The following IL27 variants were observed in gnomAD, a reference collection of about 807,000 sequenced individuals.
The protein encoded by IL27 is interleukin-27 subunit alpha.
IL27 carries 11 observed loss-of-function variants against 27.0 expected under a neutral mutation model. That is an observed-to-expected ratio of 0.41 (90% confidence interval 0.26 to 0.67). IL27 has a LOEUF of 0.67. Among genes scored for constraint, IL27 ranks in the 30% least tolerant of loss-of-function variants. The pLI, the probability that IL27 is intolerant of heterozygous loss-of-function variation, is 0.34. For synonymous variants in IL27, 134 were observed against 140.6 expected (o/e 0.95, Z 0.33); for missense variants, 299 against 310.4 (o/e 0.96, Z 0.28).
At chr16:28,500,637 GT>G (rs2046424494) in intron 4 of IL27, among the ~76,000 whole-genome samples, 1 of 152,122 alleles carries the variant, frequency 6.6e-6, no homozygotes, top group Non-Finnish European at 1.5e-5. Context: ...CCTTTGAAAG[GT>G]TCTGGAGGAT....
At chr16:28,506,151 C>G (rs757961482) in intron 1 of IL27, among the ~76,000 whole-genome samples, 4 of 152,190 alleles carry the variant, frequency 2.6e-5, no homozygotes, top group Middle Eastern at 3.4e-3. Flanking sequence ...AGACCCCAGA[C>G]CCCCTCCTTA....
intron 4 of IL27, 50 bp downstream of exon 4, chr16:28,501,926 A>C: frequency 6.4e-7 from 1 of 1,571,580 alleles, no homozygotes; most frequent in Non-Finnish European, 8.6e-7. Flanking sequence ...TGAGCCAGCG[A>C]GTCTTCTTTC....
rs538507027 is a variant in IL27 at position 28,501,385 on chromosome 16, G to A, written c.462+591C>T. On this transcript the variant is annotated intron_variant, in intron 4 of 4. Coordinates refer to ENST00000356897, the MANE Select transcript of IL27 (RefSeq NM_145659.3). ...ATACACTCACAGTCTCACACTCATG[G>A]ACCTACACACACACGGTCACGCTCA... is the stretch of plus-strand genomic sequence containing the variant. Among the ~76,000 whole-genome samples the A allele has an allele frequency of 2.2e-4, 33 of 147,672 alleles. 1 individual carries two copies. Among genetic ancestry groups the A allele is most frequent in the Middle Eastern group, 7.1e-3 (2 of 282 alleles).
rs530300038 is a variant in IL27 at position 28,503,669 on chromosome 16, G to A, written c.303+26C>T. On this transcript the variant is annotated intron_variant, in intron 3 of 4. Transcript: ENST00000356897. ...GGCCCCAGCCTATCACAAGCTTCCC[G>A]CCCCACTCCACCAGCCCTCACTCAC... 4.9e-5 allele frequency: 76 copies of A among 1,554,402 alleles called. 1 individual carries two copies. The South Asian group carries it at 7.4e-4, about 15-fold the overall frequency.
intron 4 of IL27, among the ~76,000 whole-genome samples, chr16:28,500,868 C>T (rs746949651): frequency 4.6e-5 from 7 of 152,052 alleles, no homozygotes; most frequent in Admixed American, 2.6e-4. Context: ...ATTCTCACAA[C>T]GCACCCACAC....
intron 1 of IL27, among the ~76,000 whole-genome samples, chr16:28,506,344 T>C (rs2046460810): frequency 1.3e-5 from 2 of 152,154 alleles, no homozygotes; most frequent in African/African-American, 4.8e-5. Flanking sequence ...AACATCAAAC[T>C]AAAGACCTTT....
At position 28,503,654 on chromosome 16, in the gene IL27, T is replaced by C. The variant is rs756865082; in HGVS notation, c.303+41A>G. On this transcript the variant is annotated intron_variant, in intron 3 of 4. Transcript: ENST00000356897. Reference sequence around the variant, plus strand: ...CTCATCTTGCACCCTGGCCCCAGCCTATCACAAGCTTCCCGCCCCACTCCA... The same window carrying C: ...CTCATCTTGCACCCTGGCCCCAGCCCATCACAAGCTTCCCGCCCCACTCCA... The C allele has an allele frequency of 9.5e-6, 14 of 1,468,998 alleles. No homozygotes were observed. In the East Asian group the frequency reaches 2.7e-4, roughly 29 times the overall value. 91.0% of individuals were successfully genotyped at this position (1,468,998 alleles called of 1,614,324 possible).
At chr16:28,502,705 A>G (rs1596576889) in intron 3 of IL27, among the ~76,000 whole-genome samples, 1 of 150,622 alleles carries the variant, frequency 6.6e-6, no homozygotes, top group South Asian at 2.1e-4. Context: ...ACCTCCACCC[A>G]CCCTCCATGC....
Position 28,503,613 on chromosome 16 carries a change from C to T in IL27, c.303+82G>A, listed in dbSNP as rs2046445485. ...CCAGGTTCTATCCCCAATGCATCTC[C>T]AGCTCAATCTCCAGCCTCATCTTGC... On this transcript the variant is annotated intron_variant, in intron 3 of 4. Coordinates refer to ENST00000356897, the MANE Select transcript of IL27 (RefSeq NM_145659.3). 7.0e-6 allele frequency: 7 copies of T among 994,706 alleles called. No individual in the cohort carries two copies. The Admixed American group carries it at 1.4e-4, about 20-fold the overall frequency. 61.6% of individuals were successfully genotyped at this position (994,706 alleles called of 1,614,324 possible). A position where few individuals can be genotyped will look rare whatever the true frequency, so the allele number is the denominator to read the frequency against.
intron 1 of IL27, among the ~76,000 whole-genome samples, 193 bp downstream of exon 1, chr16:28,506,588 G>C (rs1244152945): frequency 6.6e-6 from 1 of 151,940 alleles, no homozygotes; most frequent in African/African-American, 2.4e-5. Flanking sequence ...CCAGCCCTGG[G>C]TCAGACCACC....
chr16:28,502,983 C>A (rs1006093024), intron 3 of IL27, among the ~76,000 whole-genome samples: 1 of 152,004 alleles, frequency 6.6e-6, no homozygotes, highest in African/African-American at 2.4e-5. Context: ...GCACCATACC[C>A]GGCTAATTTG....
chr16:28,500,696 C>T (rs1029390469), intron 4 of IL27, among the ~76,000 whole-genome samples: 3 of 152,192 alleles, frequency 2.0e-5, no homozygotes, highest in Admixed American at 6.5e-5. Flanking sequence ...AGGAGGCAGA[C>T]GCTGTGCTGG....
intron 1 of IL27, among the ~76,000 whole-genome samples, chr16:28,506,115 T>C (rs1028060740): frequency 1.9e-4 from 29 of 152,258 alleles, no homozygotes; most frequent in African/African-American, 6.7e-4. Flanking sequence ...GTAAGTGAGC[T>C]GTGCCATCTC....
intron 1 of IL27, among the ~76,000 whole-genome samples, chr16:28,505,176 C>T (rs1375994387): frequency 1.3e-5 from 2 of 152,216 alleles, no homozygotes; most frequent in Non-Finnish European, 2.9e-5. Context: ...TTGGGCTCAG[C>T]CAAGCGGCTC....
intron 1 of IL27, among the ~76,000 whole-genome samples, 181 bp downstream of exon 1, chr16:28,506,600 C>A (rs928331674): frequency 5.3e-5 from 8 of 152,014 alleles, no homozygotes; most frequent in African/African-American, 1.9e-4. Flanking sequence ...CAGACCACCA[C>A]CCCACTGCCC....
chr16:28,504,133 T>C (rs2046448960), intron 1 of IL27, 83 bp from the exon 2 acceptor site: 10 of 1,393,922 alleles, frequency 7.2e-6, no homozygotes, highest in Middle Eastern at 2.0e-4. Context: ...CTGTGCTAGC[T>C]GTGAGCACGG....
At chr16:28,500,050 C>T in intron 4 of IL27, 130 bp from the exon 5 acceptor site, 2 of 1,237,908 alleles carry the variant, frequency 1.6e-6, no homozygotes, top group Admixed American at 2.8e-5. Context: ...CCGGACATTC[C>T]CTGCTTGATC....
intron 4 of IL27, among the ~76,000 whole-genome samples, chr16:28,501,504 TCA>T (rs2046429178): frequency 1.6e-5 from 2 of 123,262 alleles, no homozygotes; most frequent in Non-Finnish European, 3.4e-5. Context: ...ACACTCACAG[TCA>T]CACTCACACA....
intron 4 of IL27, 61 bp downstream of exon 4, chr16:28,501,911 CTGAA>C (rs778711712): frequency 5.2e-6 from 8 of 1,541,354 alleles, no homozygotes; most frequent in African/African-American, 1.4e-5. Flanking sequence ...CATGGGATCA[CTGAA>C]TGAGCCAGCG....
Sources: gnomAD v4.1 joint callset for allele counts (sites outside exome capture counted in the v4.1 genomes callset) on GRCh38, gnomAD v4.1.1 for gene constraint, MANE v1.5 for transcripts, NCBI Gene and HGNC (gene_info 2026-07-23, HGNC 2026-07-21) for gene names.